The following KCNIP1 variants were observed in gnomAD, a reference collection of about 807,000 sequenced individuals.
KCNIP1 encodes A-type potassium channel modulatory protein KCNIP1.
A neutral mutation model predicts 33.0 loss-of-function variants in KCNIP1; 18 were observed. The ratio of observed to expected loss-of-function variants is 0.55; its 90% CI spans 0.38 to 0.81. KCNIP1 has a LOEUF of 0.81. Among genes scored for constraint, KCNIP1 ranks in the 30% least tolerant of loss-of-function variants. The probability of loss-of-function intolerance (pLI) is 0.00; values close to 1 mark genes in which losing one functional copy is unlikely to be tolerated. For synonymous variants in KCNIP1, 93 were observed against 98.3 expected, an observed-to-expected ratio of 0.95 and a Z score of 0.32; for missense variants, 238 against 271.6, an observed-to-expected ratio of 0.88 and a Z score of 0.87.
At chr5:170,516,864 T>C (rs1755143330) in intron 1 of KCNIP1, among the ~76,000 whole-genome samples, 1 of 152,198 alleles carries the variant, frequency 6.6e-6, no homozygotes, top group African/African-American at 2.4e-5. Flanking sequence ...TATGAATGTG[T>C]TTAGTAAGCT....
chr5:170,614,560 G>A (rs541856318), intron 1 of KCNIP1, among the ~76,000 whole-genome samples: 6 of 152,260 alleles, frequency 3.9e-5, no homozygotes, highest in African/African-American at 9.6e-5. Context: ...TTTTTTAAAC[G>A]TAAAAAGGGG....
At chr5:170,573,347 T>C (rs1427884260) in intron 1 of KCNIP1, among the ~76,000 whole-genome samples, 2 of 152,212 alleles carry the variant, frequency 1.3e-5, no homozygotes, top group Non-Finnish European at 1.5e-5. Context: ...GGGGCCCAAT[T>C]GAGCATGGTT....
chr5:170,439,036 T>G (rs1438806995), intron 1 of KCNIP1, among the ~76,000 whole-genome samples: 1 of 152,042 alleles, frequency 6.6e-6, no homozygotes, highest in African/African-American at 2.4e-5. Flanking sequence ...TCCCTCTCTA[T>G]CAACTTAGAT....
At chr5:170,378,591 T>C in intron 1 of KCNIP1, 1 of 1,119,574 alleles carries the variant, frequency 8.9e-7, no homozygotes, top group Non-Finnish European at 1.3e-6. Context: ...TGGATTGGAC[T>C]GGAAGAGTGG....
chr5:170,364,589 T>C (rs1184673581), intron 1 of KCNIP1, among the ~76,000 whole-genome samples: 1 of 152,194 alleles, frequency 6.6e-6, no homozygotes, highest in Non-Finnish European at 1.5e-5. Flanking sequence ...GTCCTTCTCC[T>C]TGGACTCTTT....
intron 1 of KCNIP1, among the ~76,000 whole-genome samples, chr5:170,673,240 C>A (rs1341091053): frequency 6.6e-6 from 1 of 152,218 alleles, no homozygotes; most frequent in African/African-American, 2.4e-5. Context: ...ACAGACTTGA[C>A]ACAGTTAAAG....
intron 1 of KCNIP1, among the ~76,000 whole-genome samples, chr5:170,467,721 C>T (rs944271741): frequency 1.3e-5 from 2 of 151,930 alleles, no homozygotes; most frequent in Non-Finnish European, 2.9e-5. Flanking sequence ...AGTTAGAGAC[C>T]AGCCTGATCA....
chr5:170,376,664 C>A (rs1764018552), intron 1 of KCNIP1: 1 of 152,236 alleles, frequency 6.6e-6, no homozygotes, highest in East Asian at 1.9e-4. Context: ...AATATTTGGC[C>A]TCCAGCTCCA....
chr5:170,580,197 T>C (rs1757739574), intron 1 of KCNIP1, among the ~76,000 whole-genome samples: 1 of 152,150 alleles, frequency 6.6e-6, no homozygotes, highest in Non-Finnish European at 1.5e-5. Context: ...GGGATGGAGA[T>C]ATCATTTATC....
intron 1 of KCNIP1, among the ~76,000 whole-genome samples, chr5:170,698,499 C>T (rs1464483945): frequency 1.3e-5 from 2 of 152,124 alleles, no homozygotes; most frequent in East Asian, 3.9e-4. Flanking sequence ...AAAAGGGTGG[C>T]AGAATGTACC....
At chr5:170,390,310 A>G (rs994045312) in intron 1 of KCNIP1, among the ~76,000 whole-genome samples, 36 of 151,724 alleles carry the variant, frequency 2.4e-4, no homozygotes, top group Non-Finnish European at 5.2e-4. Context: ...GTTTGAGACC[A>G]TCCTGGGCAA....
intron 1 of KCNIP1, among the ~76,000 whole-genome samples, chr5:170,593,691 T>G (rs1758345385): frequency 6.6e-6 from 1 of 152,176 alleles, no homozygotes; most frequent in Non-Finnish European, 1.5e-5. Flanking sequence ...AATCCCTCAT[T>G]AAGCGAGACA....
At chr5:170,670,618 C>T (rs1183949167) in intron 1 of KCNIP1, among the ~76,000 whole-genome samples, 2 of 152,162 alleles carry the variant, frequency 1.3e-5, no homozygotes, top group Non-Finnish European at 2.9e-5. Context: ...CTGGGCCAGG[C>T]GCAGTGGCTC....
chr5:170,457,996 A>T (rs1756424572), intron 1 of KCNIP1, among the ~76,000 whole-genome samples: 1 of 152,330 alleles, frequency 6.6e-6, no homozygotes, highest in Non-Finnish European at 1.5e-5. Context: ...TAGCATAAAT[A>T]AAAAACAATC....
intron 1 of KCNIP1, among the ~76,000 whole-genome samples, chr5:170,449,945 CAA>C (rs1203511391): frequency 1.3e-5 from 2 of 151,614 alleles, no homozygotes; most frequent in Non-Finnish European, 2.9e-5. Context: ...GGAGGTTTTG[CAA>C]AAGTTTTGGG....
intron 1 of KCNIP1, among the ~76,000 whole-genome samples, chr5:170,705,849 G>C (rs949959643): frequency 2.0e-5 from 3 of 152,146 alleles, no homozygotes; most frequent in Non-Finnish European, 4.4e-5. Flanking sequence ...CTGTTGTTGA[G>C]AATGACCCTT....
At chr5:170,566,768 C>T (rs527698633) in intron 1 of KCNIP1, among the ~76,000 whole-genome samples, 4 of 152,276 alleles carry the variant, frequency 2.6e-5, no homozygotes, top group East Asian at 3.9e-4. Context: ...CTGTTAATGA[C>T]GGTGGAGCAC....
intron 1 of KCNIP1, among the ~76,000 whole-genome samples, chr5:170,641,590 C>T (rs1224515044): frequency 3.3e-5 from 5 of 152,328 alleles, no homozygotes; most frequent in Admixed American, 6.5e-5. Flanking sequence ...GACTTTCATG[C>T]GTGGACTTCT....
intron 1 of KCNIP1, among the ~76,000 whole-genome samples, chr5:170,472,195 C>G (rs1335362722): frequency 1.3e-5 from 2 of 152,236 alleles, no homozygotes; most frequent in East Asian, 3.9e-4. Context: ...TGGGCCTCAG[C>G]TGTCTCATGT....
Sources: allele counts gnomAD v4.1 joint callset (sites outside exome capture counted in the v4.1 genomes callset), GRCh38; gene constraint gnomAD v4.1.1; transcripts MANE v1.5; gene names NCBI Gene and HGNC (gene_info 2026-07-23, HGNC 2026-07-21).